ISY1: variants seen among roughly 807,000 people sequenced by gnomAD.
ISY1 encodes the protein pre-mRNA-splicing factor ISY1 homolog.
A neutral mutation model predicts 54.4 loss-of-function variants in ISY1; 12 were observed. The observed-to-expected ratio is 0.22, with a 90% CI of 0.14 to 0.36. The LOEUF (loss-of-function observed/expected upper bound fraction) is 0.36. Ranked by LOEUF, ISY1 falls within the 10% of genes least tolerant of loss-of-function variation. The pLI, the probability that ISY1 is intolerant of heterozygous loss-of-function variation, is 1.00. For missense variants in ISY1, 282 were observed against 342.2 expected, an observed-to-expected ratio of 0.82 and a Z score of 1.39; for synonymous variants, 96 against 117.9, an observed-to-expected ratio of 0.81 and a Z score of 1.20.
In ISY1 at chr3:129,156,989, T is replaced by A. The variant is rs896469216; in HGVS notation, c.79-69A>T. 3.4e-5 allele frequency: 54 copies of A among 1,573,006 alleles called. No individual in the cohort carries two copies. The Middle Eastern group carries it at 8.4e-4, about 24-fold the overall frequency. On this transcript the variant is annotated intron_variant, in intron 3 of 10. Transcript: ENST00000393295. Reference sequence around the variant, plus strand: ...GTTTCAAACAACATTCAGAACTGATTCAGGCCTTAAGCCTAAATCATCTAA... The same window carrying A: ...GTTTCAAACAACATTCAGAACTGATACAGGCCTTAAGCCTAAATCATCTAA...
intron 6 of ISY1, among the ~76,000 whole-genome samples, chr3:129,144,600 T>C (rs1210225537): frequency 6.6e-6 from 1 of 152,152 alleles, no homozygotes; most frequent in African/African-American, 2.4e-5. Flanking sequence ...TAGTGCATCA[T>C]GAAATCAGTT....
chr3:129,127,647 C>G lies in ISY1; in HGVS notation c.*2434G>C, dbSNP rs1340054395. ...TAGCAAGGGCCTCTGCCAGGAACAC[C>G]TAGAGGATGTCCAGCTGGGTGCTTC... On this transcript the variant is annotated 3_prime_UTR_variant, in exon 11 of 11. Coordinates refer to ENST00000393295, the MANE Select transcript of ISY1 (RefSeq NM_020701.4). The G allele has an allele frequency of 1.3e-5, 2 of 152,326 alleles. No individual in the cohort carries two copies. The highest frequency in any genetic ancestry group is 3.9e-4 in the East Asian group (2 of 5,194). The allele number at this position is 152,326 out of a possible 1,614,324, so 9.4% of individuals were successfully genotyped here.
chr3:129,157,024 A>T, intron 3 of ISY1, 104 bp from the exon 4 acceptor site: 1 of 1,294,632 alleles, frequency 7.7e-7, no homozygotes, highest in Non-Finnish European at 1.1e-6. Flanking sequence ...ATGGCCTAAA[A>T]ACATTTGAAG....
At position 129,140,538 on chromosome 3, in the gene ISY1, A is replaced by ATTAT. The variant is rs555905939; in HGVS notation, c.301-57_301-54dup. 8,314 of 1,517,104 alleles carry ATTAT rather than the reference A, an allele frequency of 5.5e-3. 65 individuals are homozygous for ATTAT. The highest frequency in any genetic ancestry group is 0.025 in the South Asian group (2,031 of 82,346). The allele number at this position is 1,517,104 out of a possible 1,614,324, so 94.0% of individuals were successfully genotyped here. ...GGATCTGTTAGTTAGTTAGTTAGTT[A>ATTAT]TTATTTATTTATTTATTTGAGGCGG... On this transcript the variant is annotated intron_variant, in intron 6 of 10. Transcript: ENST00000393295.
intron 7 of ISY1, 109 bp from the exon 8 acceptor site, chr3:129,135,063 T>C (rs1936350940): frequency 1.4e-6 from 2 of 1,390,028 alleles, no homozygotes; most frequent in African/African-American, 1.5e-5. Context: ...TTCATGAAAA[T>C]ACCAGGTGGG....
Position 129,142,613 on chromosome 3 carries a change from T to A in ISY1, c.301-2128A>T, listed in dbSNP as rs537131524. On this transcript the variant is annotated intron_variant, in intron 6 of 10. Coordinates refer to ENST00000393295, the MANE Select transcript of ISY1 (RefSeq NM_020701.4). Reference sequence around the variant, plus strand: ...CTCTTTGAGTTAAAAAACATTTTTTTAAATCATACAATTTGGCTGAGCACA... The same window carrying A: ...CTCTTTGAGTTAAAAAACATTTTTTAAAATCATACAATTTGGCTGAGCACA... Among the ~76,000 whole-genome samples, 4 of 152,350 alleles carry A rather than the reference T, an allele frequency of 2.6e-5. No individual in the cohort carries two copies. The East Asian group carries it at 5.8e-4, about 22-fold the overall frequency.
chr3:129,134,609 G>A (rs1284471455), intron 8 of ISY1, among the ~76,000 whole-genome samples: 5 of 152,256 alleles, frequency 3.3e-5, no homozygotes, highest in South Asian at 4.1e-4. Context: ...GACAGGGACC[G>A]GTCAGACGTG....
At chr3:129,144,080 T>C (rs1936702520) in intron 6 of ISY1, 2 of 380,216 alleles carry the variant, frequency 5.3e-6, no homozygotes, top group Non-Finnish European at 1.1e-5. Context: ...GAGACCACTT[T>C]TCTAGGTGGA....
chr3:129,134,800 T>C, intron 8 of ISY1, 32 bp downstream of exon 8: 1 of 1,583,950 alleles, frequency 6.3e-7, no homozygotes, highest in South Asian at 1.1e-5. Flanking sequence ...ACAGATGCCA[T>C]CTATTATGAA....
intron 9 of ISY1, among the ~76,000 whole-genome samples, chr3:129,131,909 A>C (rs1416619329): frequency 6.6e-6 from 1 of 152,138 alleles, no homozygotes. Flanking sequence ...AGCTCACTGT[A>C]ATCTGAACCC....
Position 129,160,918 on chromosome 3 carries a change from G to GGCCCCGGGGGGGGGGGGGGGGC in ISY1, c.3+54_3+55insGCCCCCCCCCCCCCCCCGGGGC. 3.0e-6 allele frequency: 2 copies of GGCCCCGGGGGGGGGGGGGGGGC among 666,128 alleles called. 1 individual carries two copies. The highest frequency in any genetic ancestry group is 5.5e-6 in the Non-Finnish European group (2 of 364,544). The allele number at this position is 666,128 out of a possible 1,614,324, so 41.3% of individuals were successfully genotyped here. ...AATGAGCGCCCCAGGTGGACTGGGC[G>GGCCCCGGGGGGGGGGGGGGGGC]CCCCCCCGCCCGCCCGCCCATCCAC... is the stretch of plus-strand genomic sequence containing the variant. On this transcript the variant is annotated intron_variant, in intron 1 of 10. Coordinates refer to ENST00000393295, the MANE Select transcript of ISY1 (RefSeq NM_020701.4).
At chr3:129,133,652 C>A (rs377408728) in intron 9 of ISY1, among the ~76,000 whole-genome samples, 22 of 152,300 alleles carry the variant, frequency 1.4e-4, no homozygotes, top group African/African-American at 5.1e-4. Flanking sequence ...CAAGATTGTG[C>A]CACTGCACTC....
chr3:129,159,106 GTTT>G, intron 2 of ISY1, 45 bp downstream of exon 2: 1 of 1,597,828 alleles, frequency 6.3e-7, no homozygotes, highest in Non-Finnish European at 8.5e-7. Context: ...TTACATGGTG[GTTT>G]TTAAGTTACA....
chr3:129,156,288 A>G (rs764822985), intron 5 of ISY1, among the ~76,000 whole-genome samples: 8 of 149,844 alleles, frequency 5.3e-5, no homozygotes, highest in Admixed American at 6.8e-5. Flanking sequence ...AGTCCCAGCT[A>G]TTCGGGAGGC....
intron 7 of ISY1, among the ~76,000 whole-genome samples, chr3:129,135,520 C>A (rs975909146): frequency 6.6e-6 from 1 of 152,058 alleles, no homozygotes. Context: ...AATCCCAGCA[C>A]TTTGGGAGGC....
chr3:129,158,637 G>A (rs1416314270), intron 2 of ISY1, 78 bp from the exon 3 acceptor site: 41 of 1,578,932 alleles, frequency 2.6e-5, no homozygotes, highest in Non-Finnish European at 9.6e-6. Flanking sequence ...TTCCTGTATG[G>A]GGTAGATCTG....
Position 129,130,539 on chromosome 3 carries a change from T to G in ISY1, c.750+11A>C. ...CCCCGGCGCCCAGGCAGCTCTTAGC[T>G]GTGGTCCTACCTCTTGCTGCGAGGG... is the stretch of plus-strand genomic sequence containing the variant. On this transcript the variant is annotated intron_variant, in intron 10 of 10. Coordinates refer to ENST00000393295, the MANE Select transcript of ISY1 (RefSeq NM_020701.4). 6.2e-7 allele frequency: 1 copy of G among 1,613,750 alleles called. No individual in the cohort carries two copies. Among genetic ancestry groups the G allele is most frequent in the South Asian group, 1.1e-5 (1 of 91,052 alleles).
chr3:129,145,392 T>A (rs528650634), intron 6 of ISY1, among the ~76,000 whole-genome samples: 1 of 152,200 alleles, frequency 6.6e-6, no homozygotes, highest in African/African-American at 2.4e-5. Flanking sequence ...ACAGCTAATT[T>A]TTGTATTTTT....
chr3:129,144,790 T>C (rs1412156897), intron 6 of ISY1, among the ~76,000 whole-genome samples: 2 of 152,164 alleles, frequency 1.3e-5, no homozygotes, highest in South Asian at 2.1e-4. Flanking sequence ...TTCTAGAGTA[T>C]TGCATTTATA....
Sources: gnomAD v4.1 joint callset for allele counts (sites outside exome capture counted in the v4.1 genomes callset) on GRCh38, gnomAD v4.1.1 for gene constraint, MANE v1.5 for transcripts, NCBI Gene and HGNC (gene_info 2026-07-23, HGNC 2026-07-21) for gene names.